MSRA: variants seen among roughly 807,000 people sequenced by gnomAD.
MSRA encodes methionine sulfoxide reductase A.
In MSRA, 54 loss-of-function variants were observed where a neutral mutation model predicts 31.3. That is an observed-to-expected ratio of 1.73 (90% CI 1.39 to 2.17). The LOEUF is 2.17. MSRA is among the 30% of genes most tolerant of loss of function. MSRA has a pLI of 0.00. For synonymous variants in MSRA, 169 were observed against 116.5 expected, an observed-to-expected ratio of 1.45 and a Z score of -2.90; for missense variants, 507 against 300.9, an observed-to-expected ratio of 1.69 and a Z score of -5.07.
chr8:10,155,312 CAT>C (rs988170978), intron 1 of MSRA, among the ~76,000 whole-genome samples: 38 of 152,178 alleles, frequency 2.5e-4, no homozygotes, highest in African/African-American at 9.2e-4. Context: ...TGGAAGGAGA[CAT>C]AAATATGAGG....
At chr8:10,274,517 TG>T (rs1443075934) in intron 3 of MSRA, among the ~76,000 whole-genome samples, 1 of 152,208 alleles carries the variant, frequency 6.6e-6, no homozygotes, top group Non-Finnish European at 1.5e-5. Context: ...GAGGCAGAAG[TG>T]GGTGATTCCC....
chr8:10,192,059 T>C (rs1807556324), intron 1 of MSRA, among the ~76,000 whole-genome samples: 1 of 152,168 alleles, frequency 6.6e-6, no homozygotes, highest in Non-Finnish European at 1.5e-5. Context: ...TCCTGCCACA[T>C]GGGCCTCTTC....
At chr8:10,178,928 C>G (rs1806299322) in intron 1 of MSRA, among the ~76,000 whole-genome samples, 1 of 152,146 alleles carries the variant, frequency 6.6e-6, no homozygotes, top group Admixed American at 6.5e-5. Context: ...TTGTTCATTT[C>G]TTTCTTGGTA....
intron 3 of MSRA, among the ~76,000 whole-genome samples, chr8:10,293,950 C>T (rs13270127): frequency 1 from 152,160 of 152,316 alleles, 76,003 homozygotes; most frequent in Non-Finnish European, 1. Context: ...ATGCCTGTAA[C>T]CTCAACACTT....
chr8:10,305,122 G>A lies in MSRA; in HGVS notation c.436+3484G>A, dbSNP rs139737597. On this transcript the variant is annotated intron_variant, in intron 4 of 5. Transcript: ENST00000317173. The stretch of plus-strand genomic sequence containing the variant: ...CTTTTTGTAAAGTCATTAAGGACTT[G>A]AAGGGGCCTTAAATTTTTTTGGTTA... 5.4e-3 allele frequency among the ~76,000 whole-genome samples: 822 copies of A among 152,296 alleles called. 8 individuals are homozygous for A. The highest frequency in any genetic ancestry group is 0.017 in the African/African-American group (689 of 41,570).
intron 5 of MSRA, among the ~76,000 whole-genome samples, chr8:10,358,902 G>T (rs1020129597): frequency 6.6e-6 from 1 of 152,140 alleles, no homozygotes; most frequent in African/African-American, 2.4e-5. Flanking sequence ...TCTTATAGGA[G>T]CAGGAACCCT....
chr8:10,306,517 G>T (rs1166177731), intron 4 of MSRA, among the ~76,000 whole-genome samples: 1 of 151,846 alleles, frequency 6.6e-6, no homozygotes, highest in Non-Finnish European at 1.5e-5. Context: ...TGTGTCTCTT[G>T]CATTGGTTGG....
intron 1 of MSRA, among the ~76,000 whole-genome samples, chr8:10,089,149 C>CAG (rs886893868): frequency 6.9e-4 from 105 of 152,218 alleles, no homozygotes; most frequent in African/African-American, 2.3e-3. Context: ...CACACACACA[C>CAG]ACACACACAC....
At chr8:10,345,424 A>C (rs528758235) in intron 5 of MSRA, among the ~76,000 whole-genome samples, 1 of 152,200 alleles carries the variant, frequency 6.6e-6, no homozygotes, top group Non-Finnish European at 1.5e-5. Context: ...CACATTCCTC[A>C]TGAATGAAGA....
chr8:10,124,675 A>G (rs1311160215), intron 1 of MSRA, among the ~76,000 whole-genome samples: 1 of 152,242 alleles, frequency 6.6e-6, no homozygotes, highest in East Asian at 1.9e-4. Context: ...ATGCCTTGCC[A>G]TTTCAAACCA....
intron 2 of MSRA, among the ~76,000 whole-genome samples, chr8:10,223,294 G>A (rs959532123): frequency 6.6e-6 from 1 of 152,208 alleles, no homozygotes; most frequent in African/African-American, 2.4e-5. Context: ...GAGAGTTGAA[G>A]TTGAGAAGCA....
chr8:10,193,548 T>C (rs970796342), intron 1 of MSRA, among the ~76,000 whole-genome samples: 5 of 152,218 alleles, frequency 3.3e-5, no homozygotes, highest in African/African-American at 1.2e-4. Flanking sequence ...AATCTCCATC[T>C]GTTAGTGAAG....
chr8:10,376,346 G>A (rs1356698012), intron 5 of MSRA, among the ~76,000 whole-genome samples: 10 of 152,198 alleles, frequency 6.6e-5, no homozygotes, highest in Admixed American at 6.5e-4. Context: ...CAAGGCATCT[G>A]TAGGACTGCG....
chr8:10,102,238 T>C lies in MSRA; in HGVS notation c.142+47580T>C, dbSNP rs192240273. ...TGAATACTTCCCCAGGTGTGCCCTC[T>C]TTCTCCTTTCCTTCCAAGACTTGGA... On this transcript the variant is annotated intron_variant, in intron 1 of 5. Coordinates refer to ENST00000317173, the MANE Select transcript of MSRA (RefSeq NM_012331.5). 3.5e-3 allele frequency among the ~76,000 whole-genome samples: 537 copies of C among 152,330 alleles called. 3 individuals carry two copies. The highest frequency in any genetic ancestry group is 5.5e-3 in the Non-Finnish European group (375 of 68,016).
intron 1 of MSRA, among the ~76,000 whole-genome samples, chr8:10,173,654 G>A (rs1177508100): frequency 6.6e-6 from 1 of 152,090 alleles, no homozygotes; most frequent in East Asian, 1.9e-4. Flanking sequence ...TCTCTTTTCC[G>A]GGCTTGCAGC....
intron 5 of MSRA, among the ~76,000 whole-genome samples, chr8:10,335,254 T>TG (rs1802964473): frequency 6.8e-6 from 1 of 146,302 alleles, no homozygotes; most frequent in South Asian, 2.2e-4. Flanking sequence ...AGCTCTGTTT[T>TG]TTTTTTTTTT....
intron 5 of MSRA, among the ~76,000 whole-genome samples, chr8:10,414,354 G>A (rs929078145): frequency 6.6e-6 from 1 of 152,190 alleles, no homozygotes; most frequent in African/African-American, 2.4e-5. Flanking sequence ...CTGAGACCCA[G>A]ATGAGTGAAA....
At chr8:10,059,323 C>G (rs976811859) in intron 1 of MSRA, among the ~76,000 whole-genome samples, 1 of 152,080 alleles carries the variant, frequency 6.6e-6, no homozygotes, top group Admixed American at 6.5e-5. Flanking sequence ...TTAATCCTTA[C>G]GGTAACCCAA....
intron 3 of MSRA, among the ~76,000 whole-genome samples, chr8:10,255,969 A>G (rs892524715): frequency 6.6e-6 from 1 of 152,036 alleles, no homozygotes; most frequent in African/African-American, 2.4e-5. Context: ...TGCATTTGTT[A>G]CACCCCAGGA....
Sources: gnomAD v4.1 joint callset for allele counts (sites outside exome capture counted in the v4.1 genomes callset) on GRCh38, gnomAD v4.1.1 for gene constraint, MANE v1.5 for transcripts, NCBI Gene and HGNC (gene_info 2026-07-23, HGNC 2026-07-21) for gene names.